Variants in KNDC1 observed in about 807,000 individuals in gnomAD.
The protein encoded by KNDC1 is kinase non-catalytic C-lobe domain containing 1, also known as kinase non-catalytic C-lobe domain-containing protein 1.
In KNDC1, 106 loss-of-function variants were observed where a neutral mutation model predicts 172.8. That is an observed-to-expected ratio of 0.61 (90% CI 0.52 to 0.72). KNDC1 has a LOEUF of 0.72. KNDC1 is among the 30% of genes least tolerant of loss of function. KNDC1 has a pLI of 0.00. For synonymous variants in KNDC1, 1,083 were observed against 1,062.2 expected (o/e 1.02, Z -0.38); for missense variants, 2,325 against 2,394.5 (o/e 0.97, Z 0.61).
chr10:133,189,088 G>A (rs1854006554), intron 7 of KNDC1, among the ~76,000 whole-genome samples: 1 of 152,218 alleles, frequency 6.6e-6, no homozygotes, highest in African/African-American at 2.4e-5. Flanking sequence ...CTTCAGCATT[G>A]CACGGGTCTG....
intron 25 of KNDC1, 120 bp from the exon 26 acceptor site, chr10:133,213,852 G>A (rs984794926): frequency 1.4e-6 from 2 of 1,451,260 alleles, no homozygotes; most frequent in African/African-American, 1.4e-5. Context: ...AGAGAGTGGT[G>A]TCTGCCAGTT....
rs2998127 is a variant in KNDC1 at position 133,210,884 on chromosome 10, A to G, written c.3908+160A>G. ...TGGCTGGAGGTCCGGCTGGAGGTGG[A>G]GGACACACAGGGATGCGGAGAAAGC... On this transcript the variant is annotated intron_variant, in intron 21 of 29. Transcript: ENST00000304613. 0.9 allele frequency among the ~76,000 whole-genome samples: 136,873 copies of G among 152,144 alleles called. 61,883 individuals carry two copies. Among genetic ancestry groups the G allele is most frequent in the African/African-American group, 0.98 (40,528 of 41,524 alleles).
chr10:133,183,863 C>A lies in KNDC1; in HGVS notation c.508-9C>A. 1 of 1,560,202 alleles carries A rather than the reference C, an allele frequency of 6.4e-7. No homozygotes were observed. The highest frequency in any genetic ancestry group is 8.7e-7 in the Non-Finnish European group (1 of 1,144,448). On this transcript the variant is annotated splice_polypyrimidine_tract_variant and intron_variant, in intron 4 of 29. Coordinates refer to ENST00000304613, the MANE Select transcript of KNDC1 (RefSeq NM_152643.8). Reference sequence around the variant, plus strand: ...CGAGCCTTCCTGTCTGAGGTGTTCCCGTCCCCAGAGCATCATCGCGCTGTG... The same window carrying A: ...CGAGCCTTCCTGTCTGAGGTGTTCCAGTCCCCAGAGCATCATCGCGCTGTG...
At chr10:133,165,676 C>T (rs73384394) in intron 1 of KNDC1, among the ~76,000 whole-genome samples, 2,795 of 152,302 alleles carry the variant, frequency 0.018, 88 homozygotes, top group African/African-American at 0.064. Flanking sequence ...TGTGCGCCTG[C>T]GTGTGCAGGT....
Position 133,211,760 on chromosome 10 carries a change from C to G in KNDC1, c.4138C>G (p.Arg1380Gly), listed in dbSNP as rs200763419. Reference sequence around the variant, plus strand: ...GGACCGGCGGGCCGAGGGCAACCCTCGCGGCACAGACCTGGAGAACCCCAG... The same window carrying G: ...GGACCGGCGGGCCGAGGGCAACCCTGGCGGCACAGACCTGGAGAACCCCAG... ...GMDRRAEGNP[R>G]GTDLENPREA... The change falls in exon 23 of 30, where the codon CGC (arginine) becomes GGC (glycine). Residue 1380 changes from arginine (R) to glycine (G), a missense_variant. Arg to Gly is a moderately radical substitution (Grantham distance 125). Coordinates refer to ENST00000304613, the MANE Select transcript of KNDC1 (RefSeq NM_152643.8). The G allele has an allele frequency of 1.7e-5, 28 of 1,610,512 alleles. No homozygotes were observed. The highest frequency in any genetic ancestry group is 2.0e-5 in the Non-Finnish European group (24 of 1,179,244).
Position 133,198,719 on chromosome 10 carries a change from G to A in KNDC1, c.2211G>A (p.Gly737=), listed in dbSNP as rs1381570154. 3.2e-6 allele frequency: 5 copies of A among 1,575,948 alleles called. No homozygotes were observed. The highest frequency in any genetic ancestry group is 8.6e-7 in the Non-Finnish European group (1 of 1,161,690). The change falls in exon 14 of 30, where the codon GGG becomes GGA. Residue 737 remains glycine (G), a synonymous_variant. Transcript: ENST00000304613. ...KTPDGPVPGP[G]PQGAAPEPLG... is the part of the protein sequence containing the mutation. Reference sequence around the variant, plus strand: ...CTGACGGGCCGGTGCCTGGTCCGGGGCCACAGGGAGCAGCCCCAGAGCCTC... The same window carrying A: ...CTGACGGGCCGGTGCCTGGTCCGGGACCACAGGGAGCAGCCCCAGAGCCTC...
chr10:133,200,387 GGCTGGGT>G lies in KNDC1; in HGVS notation c.2917_2923del (p.Ala973HisfsTer66), dbSNP rs1854326839. 3 of 1,594,318 alleles carry G rather than the reference GGCTGGGT, an allele frequency of 1.9e-6. No individual in the cohort carries two copies. The highest frequency in any genetic ancestry group is 2.7e-5 in the African/African-American group (2 of 73,348). ...TTCTCGTCGTCAGCACGGCCGAGGA[GGCTGGGT>G]CACAGCTCGAGGGCAGCCAAAGCCC... is the stretch of plus-strand genomic sequence containing the variant. On this transcript the variant is annotated frameshift_variant, in exon 16 of 30. Coordinates refer to ENST00000304613, the MANE Select transcript of KNDC1 (RefSeq NM_152643.8). LOFTEE classifies it high-confidence loss of function.
At position 133,225,126 on chromosome 10, in the gene KNDC1, T is replaced by C; in HGVS notation, c.*236T>C. The C allele has an allele frequency of 1.9e-6, 1 of 533,456 alleles. No homozygotes were observed. Among genetic ancestry groups the C allele is most frequent in the Non-Finnish European group, 3.4e-6 (1 of 297,254 alleles). 33.0% of individuals were successfully genotyped at this position (533,456 alleles called of 1,614,324 possible). A position where few individuals can be genotyped will look rare whatever the true frequency, so the allele number is the denominator to read the frequency against. ...AGAGTCTTGGAGGTTTGCGTGTTTC[T>C]GCTAGAATTAAAAAGTTAAATTTAA... is the stretch of plus-strand genomic sequence containing the variant. On this transcript the variant is annotated 3_prime_UTR_variant, in exon 30 of 30. Coordinates refer to ENST00000304613, the MANE Select transcript of KNDC1 (RefSeq NM_152643.8).
intron 26 of KNDC1, among the ~76,000 whole-genome samples, chr10:133,217,378 G>A (rs2136030410): frequency 6.6e-6 from 1 of 152,378 alleles, no homozygotes; most frequent in Non-Finnish European, 1.5e-5. Flanking sequence ...GTCGGGGTGA[G>A]CCCAGGATCA....
chr10:133,179,526 G>C (rs1286836302), intron 3 of KNDC1, among the ~76,000 whole-genome samples: 1 of 152,236 alleles, frequency 6.6e-6, no homozygotes, highest in Admixed American at 6.5e-5. Flanking sequence ...ACTCGGGAGA[G>C]TGTAACCCGC....
At chr10:133,184,103 ACC>A (rs1853808878) in intron 5 of KNDC1, 114 bp downstream of exon 5, 7 of 569,746 alleles carry the variant, frequency 1.2e-5, no homozygotes, top group Admixed American at 3.0e-5. Flanking sequence ...CTGCACACAC[ACC>A]CATACTGCAC....
At position 133,199,065 on chromosome 10, in the gene KNDC1, G is replaced by T. The variant is rs746396994; in HGVS notation, c.2557G>T (p.Gly853Trp). 1 of 1,602,138 alleles carries T rather than the reference G, an allele frequency of 6.2e-7. No individual in the cohort carries two copies. The change falls in exon 14 of 30, where the codon GGG (glycine) becomes TGG (tryptophan). Residue 853 changes from glycine to tryptophan, a missense_variant. By Grantham distance (184) the Gly-to-Trp change is radical (BLOSUM62 -2). Coordinates refer to ENST00000304613, the MANE Select transcript of KNDC1 (RefSeq NM_152643.8). ...EPEGPGATPAGERDDQSPDSV... is the reference protein window; with the variant it reads ...EPEGPGATPAWERDDQSPDSV... ...AGAGGGCCCCGGGGCCACCCCTGCC[G>T]GGGAACGTGATGACCAGAGTCCAGA... is the stretch of plus-strand genomic sequence containing the variant.
At chr10:133,220,725 G>C (rs1159928762) in intron 29 of KNDC1, among the ~76,000 whole-genome samples, 2 of 91,092 alleles carry the variant, frequency 2.2e-5, no homozygotes, top group East Asian at 4.4e-4. Flanking sequence ...GCCCAGGAGA[G>C]GAGGGGCTCA....
intron 23 of KNDC1, among the ~76,000 whole-genome samples, chr10:133,212,211 C>G (rs535315934): frequency 6.6e-6 from 1 of 151,800 alleles, no homozygotes; most frequent in Non-Finnish European, 1.5e-5. Context: ...CACCCTCACA[C>G]ATATCCACAC....
At chr10:133,216,348 CAG>C (rs1845468334) in intron 26 of KNDC1, among the ~76,000 whole-genome samples, 1 of 152,036 alleles carries the variant, frequency 6.6e-6, no homozygotes, top group Non-Finnish European at 1.5e-5. Flanking sequence ...AAGGTGGAAA[CAG>C]AAGCAGGAAG....
chr10:133,213,092 G>A (rs966338138), intron 24 of KNDC1, among the ~76,000 whole-genome samples, 170 bp downstream of exon 24: 10 of 152,184 alleles, frequency 6.6e-5, no homozygotes, highest in Admixed American at 2.6e-4. Flanking sequence ...AGGTCCAGGC[G>A]GCTGCTGCCT....
intron 1 of KNDC1, among the ~76,000 whole-genome samples, chr10:133,164,923 C>G (rs367852078): frequency 5.9e-5 from 9 of 152,234 alleles, no homozygotes; most frequent in South Asian, 2.1e-4. Flanking sequence ...TCTGACCCCC[C>G]CTTGCTCACC....
In KNDC1 at chr10:133,210,814, G is replaced by A. The variant is rs1334275769; in HGVS notation, c.3908+90G>A. On this transcript the variant is annotated intron_variant, in intron 21 of 29. Coordinates refer to ENST00000304613, the MANE Select transcript of KNDC1 (RefSeq NM_152643.8). ...GCCTGGTTTAGCCACCATGAAGAACGAGGTGGTCCCTGGCGACCCAAGGGG... is the reference window on the plus strand; with the variant it reads ...GCCTGGTTTAGCCACCATGAAGAACAAGGTGGTCCCTGGCGACCCAAGGGG... 1.6e-5 allele frequency: 18 copies of A among 1,105,328 alleles called. No homozygotes were observed. The Admixed American group carries it at 1.9e-4, about 11-fold the overall frequency. 68.5% of individuals were successfully genotyped at this position (1,105,328 alleles called of 1,614,324 possible). A position where few individuals can be genotyped will look rare whatever the true frequency, so the allele number is the denominator to read the frequency against.
chr10:133,184,798 G>A (rs192755372), intron 5 of KNDC1, among the ~76,000 whole-genome samples: 29 of 152,302 alleles, frequency 1.9e-4, no homozygotes, highest in East Asian at 7.7e-4. Context: ...CATTGGTGCC[G>A]GTGTGGCATT....
Sources: gnomAD v4.1 joint callset for allele counts (sites outside exome capture counted in the v4.1 genomes callset) on GRCh38, gnomAD v4.1.1 for gene constraint, MANE v1.5 for transcripts, NCBI Gene and HGNC (gene_info 2026-07-23, HGNC 2026-07-21) for gene names.